GPR158: variants seen among roughly 807,000 people sequenced by gnomAD.
GPR158 encodes metabotropic glycine receptor.
A neutral mutation model predicts 78.2 loss-of-function variants in GPR158; 30 were observed. The ratio of observed to expected loss-of-function variants is 0.38; its 90% confidence interval spans 0.29 to 0.52. GPR158 has a LOEUF of 0.52. Ranked by LOEUF, GPR158 falls within the 20% of genes least tolerant of loss-of-function variation. The pLI is 0.83. For missense variants in GPR158, 1,463 were observed against 1,523.5 expected (o/e 0.96, Z 0.66); for synonymous variants, 581 against 591.1 (o/e 0.98, Z 0.25).
intron 2 of GPR158, among the ~76,000 whole-genome samples, chr10:25,374,640 A>T (rs540926849): frequency 1.3e-5 from 2 of 151,826 alleles, no homozygotes; most frequent in East Asian, 3.9e-4. Flanking sequence ...GTGTTGTCTA[A>T]ATGGAATCAT....
In GPR158 at chr10:25,317,716, GT is replaced by G. The variant is rs756759445; in HGVS notation, c.1009-78186del. On this transcript the variant is annotated intron_variant, in intron 2 of 10. Transcript: ENST00000376351. The stretch of plus-strand genomic sequence containing the variant: ...TTAAATTCTGTTTTCTTCGTAAAGT[GT>G]TTTTTTTTGTTTTGTTTTGTTTTGT... 3.7e-3 allele frequency among the ~76,000 whole-genome samples: 494 copies of G among 134,122 alleles called. 18 individuals carry two copies. Among genetic ancestry groups the G allele is most frequent in the African/African-American group, 0.014 (453 of 31,282 alleles). The allele number at this position is 134,122 out of a possible 152,430, so 88.0% of individuals were successfully genotyped here.
chr10:25,341,502 G>A (rs1473653002), intron 2 of GPR158, among the ~76,000 whole-genome samples: 1 of 151,682 alleles, frequency 6.6e-6, no homozygotes, highest in Non-Finnish European at 1.5e-5. Flanking sequence ...TAATAGATAA[G>A]AAAAATGAAA....
intron 2 of GPR158, among the ~76,000 whole-genome samples, chr10:25,349,400 G>A (rs1392476193): frequency 1.6e-5 from 2 of 127,814 alleles, no homozygotes; most frequent in East Asian, 4.0e-4. Context: ...CATATGATAT[G>A]GTTCGGCTCT....
chr10:25,253,705 TCA>T (rs1007514532), intron 2 of GPR158, among the ~76,000 whole-genome samples: 23 of 152,176 alleles, frequency 1.5e-4, no homozygotes, highest in Admixed American at 4.6e-4. Context: ...TATATATATA[TCA>T]CACTTTGATA....
At chr10:25,247,907 G>A (rs1853721834) in intron 2 of GPR158, among the ~76,000 whole-genome samples, 1 of 147,892 alleles carries the variant, frequency 6.8e-6, no homozygotes, top group Non-Finnish European at 1.5e-5. Context: ...TTCCACAATG[G>A]TTGAACTAGT....
chr10:25,307,451 A>G (rs1429678927), intron 2 of GPR158, among the ~76,000 whole-genome samples: 1 of 146,506 alleles, frequency 6.8e-6, no homozygotes, highest in Non-Finnish European at 1.5e-5. Flanking sequence ...TGGGACCATC[A>G]TAGCTCACTG....
chr10:25,496,980 G>A (rs1415141393), intron 5 of GPR158, among the ~76,000 whole-genome samples: 1 of 152,118 alleles, frequency 6.6e-6, no homozygotes, highest in Non-Finnish European at 1.5e-5. Flanking sequence ...CAAAGAAGTG[G>A]GCTTGCAAGA....
At chr10:25,404,367 G>A (rs540247490) in intron 3 of GPR158, among the ~76,000 whole-genome samples, 1 of 152,058 alleles carries the variant, frequency 6.6e-6, no homozygotes, top group Non-Finnish European at 1.5e-5. Flanking sequence ...TTTGCCATTT[G>A]TGAATTGATC....
chr10:25,417,869 G>A (rs1480176544), intron 4 of GPR158, among the ~76,000 whole-genome samples: 1 of 152,134 alleles, frequency 6.6e-6, no homozygotes, highest in African/African-American at 2.4e-5. Flanking sequence ...TTGCTGACAT[G>A]TGAACCATGT....
chr10:25,402,234 C>G (rs553529250), intron 3 of GPR158, among the ~76,000 whole-genome samples: 2 of 152,124 alleles, frequency 1.3e-5, no homozygotes, highest in South Asian at 4.1e-4. Context: ...GAGGGACATT[C>G]TACAAAATAA....
chr10:25,547,914 G>A (rs1169137989), intron 5 of GPR158, among the ~76,000 whole-genome samples: 1 of 152,130 alleles, frequency 6.6e-6, no homozygotes, highest in African/African-American at 2.4e-5. Context: ...TAAATATTTA[G>A]TGAATCATAT....
chr10:25,574,614 T>C (rs1478577361), intron 7 of GPR158, among the ~76,000 whole-genome samples: 1 of 152,110 alleles, frequency 6.6e-6, no homozygotes, highest in Non-Finnish European at 1.5e-5. Context: ...GGTCTGGGCG[T>C]GGTGACTCAC....
At chr10:25,233,910 A>G (rs1352350953) in intron 2 of GPR158, among the ~76,000 whole-genome samples, 1 of 152,232 alleles carries the variant, frequency 6.6e-6, no homozygotes, top group Non-Finnish European at 1.5e-5. Flanking sequence ...TCTTCTTGCT[A>G]AATATTTTTT....
intron 5 of GPR158, among the ~76,000 whole-genome samples, chr10:25,472,678 C>T (rs1835524650): frequency 6.6e-6 from 1 of 152,306 alleles, no homozygotes; most frequent in East Asian, 1.9e-4. Flanking sequence ...AGGTCCTTCA[C>T]ATCCCTTGTA....
chr10:25,280,116 G>A lies in GPR158; in HGVS notation c.1008+58959G>A, dbSNP rs1854247615. The stretch of plus-strand genomic sequence containing the variant: ...AGCACAAGATGAGATGGTAGAAATG[G>A]AACAAAAGAATTCACTAATAAACAA... On this transcript the variant is annotated intron_variant, in intron 2 of 10. Coordinates refer to ENST00000376351, the MANE Select transcript of GPR158 (RefSeq NM_020752.3). Among the ~76,000 whole-genome samples, 3 of 152,148 alleles carry A rather than the reference G, an allele frequency of 2.0e-5. No homozygotes were observed. The South Asian group carries it at 6.2e-4, about 32-fold the overall frequency.
At chr10:25,555,701 C>T (rs1030122766) in intron 6 of GPR158, among the ~76,000 whole-genome samples, 17 of 152,008 alleles carry the variant, frequency 1.1e-4, no homozygotes, top group African/African-American at 4.1e-4. Flanking sequence ...AATATGGTTT[C>T]TGAAGACTCT....
At position 25,361,009 on chromosome 10, in the gene GPR158, T is replaced by C. The variant is rs138002207; in HGVS notation, c.1009-34902T>C. 1.4e-4 allele frequency among the ~76,000 whole-genome samples: 22 copies of C among 151,926 alleles called. No homozygotes were observed. In the East Asian group the frequency reaches 2.4e-3, roughly 16 times the overall value. ...TGTAAGTGCGTTAATTATATTCACA[T>C]TGTTGTGAAACAGATCTTCAGAACA... On this transcript the variant is annotated intron_variant, in intron 2 of 10. Coordinates refer to ENST00000376351, the MANE Select transcript of GPR158 (RefSeq NM_020752.3).
At chr10:25,233,231 G>T (rs1439921164) in intron 2 of GPR158, among the ~76,000 whole-genome samples, 2 of 152,128 alleles carry the variant, frequency 1.3e-5, no homozygotes, top group Admixed American at 6.5e-5. Context: ...CAGGAAAGAG[G>T]GCTGTCCCTC....
At chr10:25,577,303 C>G (rs1440916372) in intron 7 of GPR158, among the ~76,000 whole-genome samples, 1 of 151,988 alleles carries the variant, frequency 6.6e-6, no homozygotes, top group East Asian at 1.9e-4. Context: ...TTCCTGGATC[C>G]TAAGAGGTAA....
Sources: allele counts gnomAD v4.1 joint callset (sites outside exome capture counted in the v4.1 genomes callset), GRCh38; gene constraint gnomAD v4.1.1; transcripts MANE v1.5; gene names NCBI Gene and HGNC (gene_info 2026-07-23, HGNC 2026-07-21).